The following PTPN14 variants were observed in gnomAD, a reference collection of about 807,000 sequenced individuals.
PTPN14 encodes protein tyrosine phosphatase non-receptor type 14.
In PTPN14, 53 loss-of-function variants were observed where a neutral mutation model predicts 126.8. That is an observed-to-expected ratio of 0.42 (90% confidence interval 0.34 to 0.53). PTPN14 has a LOEUF of 0.53. Ranked by LOEUF, PTPN14 falls within the 20% of genes least tolerant of loss-of-function variation. The pLI is 0.08. For synonymous variants in PTPN14, 630 were observed against 599.3 expected, an observed-to-expected ratio of 1.05 and a Z score of -0.75; for missense variants, 1,257 against 1,552.9, an observed-to-expected ratio of 0.81 and a Z score of 3.20.
At chr1:214,450,054 G>C (rs1039525028) in intron 3 of PTPN14, among the ~76,000 whole-genome samples, 2 of 151,810 alleles carry the variant, frequency 1.3e-5, no homozygotes, top group African/African-American at 4.8e-5. Flanking sequence ...GATTGCGGGA[G>C]CCCAGGAGTT....
chr1:214,436,515 G>A (rs1659919427), intron 3 of PTPN14, among the ~76,000 whole-genome samples: 1 of 152,100 alleles, frequency 6.6e-6, no homozygotes. Context: ...AGACAGTTAG[G>A]GCTGGGTACA....
At chr1:214,516,383 G>A (rs76171284) in intron 1 of PTPN14, among the ~76,000 whole-genome samples, 3,022 of 152,272 alleles carry the variant, frequency 0.02, 95 homozygotes, top group African/African-American at 0.069. Flanking sequence ...CCTTTGCAAG[G>A]ATGGCAGTGA....
chr1:214,385,048 G>A (rs1053758992), intron 12 of PTPN14, among the ~76,000 whole-genome samples: 8 of 152,178 alleles, frequency 5.3e-5, no homozygotes, highest in Non-Finnish European at 7.3e-5. Flanking sequence ...AGTAAGTGTC[G>A]CTTGAGGAAG....
Position 214,366,915 on chromosome 1 carries a change from C to T in PTPN14, c.3272-2240G>A, listed in dbSNP as rs568830365. Reference sequence around the variant, plus strand: ...AGGAGAATGGCGTGAACTCGGGAGGCGGAGTTTGCAGTGAGCCGAGATCTT... The same window carrying T: ...AGGAGAATGGCGTGAACTCGGGAGGTGGAGTTTGCAGTGAGCCGAGATCTT... On this transcript the variant is annotated intron_variant, in intron 17 of 18. Coordinates refer to ENST00000366956, the MANE Select transcript of PTPN14 (RefSeq NM_005401.5). Among the ~76,000 whole-genome samples the T allele has an allele frequency of 2.4e-4, 36 of 146,984 alleles. 1 individual carries two copies. Among genetic ancestry groups the T allele is most frequent in the Admixed American group, 4.9e-4 (7 of 14,336 alleles).
In PTPN14 at chr1:214,383,759, G is replaced by A; in HGVS notation, c.2096C>T (p.Ser699Phe). ...GCTGTGGATTAGCATAGTGGCATCAGAGAAGGTCTTCTTGTGGTGATACTG... is the reference window on the plus strand; with the variant it reads ...GCTGTGGATTAGCATAGTGGCATCAAAGAAGGTCTTCTTGTGGTGATACTG... Reference protein sequence around the residue: ...LPQYHHKKTFSDATMLIHSSE... With the variant: ...LPQYHHKKTFFDATMLIHSSE... The change falls in exon 13 of 19, where the codon TCT becomes TTT. Residue 699 changes from serine to phenylalanine, a missense_variant. Ser to Phe is a radical substitution (Grantham distance 155, BLOSUM62 -2). Coordinates refer to ENST00000366956, the MANE Select transcript of PTPN14 (RefSeq NM_005401.5). The surrounding 1 kb of genome is among the most constrained non-coding windows in gnomAD (Gnocchi z 4.4). 1.2e-6 allele frequency: 2 copies of A among 1,613,440 alleles called. No individual in the cohort carries two copies. Among genetic ancestry groups the A allele is most frequent in the Non-Finnish European group, 1.7e-6 (2 of 1,180,022 alleles).
chr1:214,451,047 T>C (rs1211176408), intron 3 of PTPN14, among the ~76,000 whole-genome samples: 1 of 152,206 alleles, frequency 6.6e-6, no homozygotes, highest in Non-Finnish European at 1.5e-5. Flanking sequence ...TTACTCCCAC[T>C]TTTAGTTACC....
In PTPN14 at chr1:214,393,815, G is replaced by T. The variant is rs753921271; in HGVS notation, c.847-38C>A. On this transcript the variant is annotated intron_variant, in intron 9 of 18. Coordinates refer to ENST00000366956, the MANE Select transcript of PTPN14 (RefSeq NM_005401.5). The stretch of plus-strand genomic sequence containing the variant: ...GAGACAGAGAAAAAAATAAACATTT[G>T]TTGAATTAGTTATACATTTCATTAA... 16 of 1,447,446 alleles carry T rather than the reference G, an allele frequency of 1.1e-5. No individual in the cohort carries two copies. In the South Asian group the frequency reaches 1.7e-4, roughly 16 times the overall value. The allele number at this position is 1,447,446 out of a possible 1,614,324, so 89.7% of individuals were successfully genotyped here.
At chr1:214,492,028 C>A (rs1030149572) in intron 1 of PTPN14, among the ~76,000 whole-genome samples, 4 of 152,134 alleles carry the variant, frequency 2.6e-5, no homozygotes, top group Admixed American at 6.5e-5. Flanking sequence ...TCAGGCTGCC[C>A]ATCCTCATTT....
At chr1:214,458,339 C>T (rs1053486666) in intron 2 of PTPN14, among the ~76,000 whole-genome samples, 1 of 152,074 alleles carries the variant, frequency 6.6e-6, no homozygotes, top group Non-Finnish European at 1.5e-5. Flanking sequence ...AGCTACCAGG[C>T]CTGGCCCCAG....
intron 3 of PTPN14, among the ~76,000 whole-genome samples, chr1:214,435,020 G>C (rs915267907): frequency 6.6e-6 from 1 of 152,198 alleles, no homozygotes; most frequent in Non-Finnish European, 1.5e-5. Flanking sequence ...ATGTGAATTT[G>C]TATTGGGCTG....
chr1:214,498,097 T>C (rs1488591504), intron 1 of PTPN14, among the ~76,000 whole-genome samples: 66 of 152,336 alleles, frequency 4.3e-4, no homozygotes, highest in Non-Finnish European at 8.8e-5. Context: ...AAGTTATGCT[T>C]AAAATATTAT....
intron 3 of PTPN14, among the ~76,000 whole-genome samples, chr1:214,420,930 T>C (rs1331411048): frequency 6.6e-6 from 1 of 152,228 alleles, no homozygotes; most frequent in Non-Finnish European, 1.5e-5. Context: ...AAGTGTTTGA[T>C]GTTAAAATGA....
rs1456141322 is a variant in PTPN14 at position 214,355,690 on chromosome 1, C to T, written c.*2232G>A. The T allele has an allele frequency of 2.0e-5, 3 of 152,162 alleles. No individual in the cohort carries two copies. The highest frequency in any genetic ancestry group is 7.2e-5 in the African/African-American group (3 of 41,430). 9.4% of individuals were successfully genotyped at this position (152,162 alleles called of 1,614,324 possible). The stretch of plus-strand genomic sequence containing the variant: ...CCGAGTCTAACTAGAGTACAGCCAC[C>T]ACAACACCTGGCCAGGTTGAAACAG... On this transcript the variant is annotated 3_prime_UTR_variant, in exon 19 of 19. Coordinates refer to ENST00000366956, the MANE Select transcript of PTPN14 (RefSeq NM_005401.5).
At chr1:214,496,007 TTAA>T (rs1462426228) in intron 1 of PTPN14, among the ~76,000 whole-genome samples, 1 of 152,138 alleles carries the variant, frequency 6.6e-6, no homozygotes, top group Middle Eastern at 3.2e-3. Context: ...ATGTGTTATT[TTAA>T]TACATTTTTC....
intron 10 of PTPN14, among the ~76,000 whole-genome samples, chr1:214,392,278 C>T (rs1446168597): frequency 6.6e-6 from 1 of 151,930 alleles, no homozygotes; most frequent in Non-Finnish European, 1.5e-5. Context: ...ACCTCTTATA[C>T]TTGGTTAGGA....
chr1:214,414,782 T>G (rs1197933304), intron 3 of PTPN14, 56 bp from the exon 4 acceptor site: 1 of 1,383,322 alleles, frequency 7.2e-7, no homozygotes, highest in Non-Finnish European at 1.0e-6. Context: ...TGGAATATAT[T>G]CCCACAACAC....
intron 8 of PTPN14, among the ~76,000 whole-genome samples, chr1:214,396,131 A>G (rs977258365): frequency 6.6e-6 from 1 of 152,208 alleles, no homozygotes; most frequent in Non-Finnish European, 1.5e-5. Flanking sequence ...TGCTAGAAGA[A>G]TAAAAAGCAA....
intron 1 of PTPN14, among the ~76,000 whole-genome samples, chr1:214,477,300 A>G (rs1660888325): frequency 6.6e-6 from 1 of 152,224 alleles, no homozygotes. Flanking sequence ...AACAGGGAAA[A>G]ACAAAGCTTC....
chr1:214,452,982 G>A (rs1208463744), intron 2 of PTPN14, among the ~76,000 whole-genome samples: 1 of 152,096 alleles, frequency 6.6e-6, no homozygotes, highest in Non-Finnish European at 1.5e-5. Context: ...ACATTATACA[G>A]ATCAATCCCT....
Sources: gnomAD v4.1 joint callset for allele counts (sites outside exome capture counted in the v4.1 genomes callset) on GRCh38, gnomAD v4.1.1 for gene constraint, Gnocchi (gnomAD v3.1) non-coding constraint, MANE v1.5 for transcripts, NCBI Gene and HGNC (gene_info 2026-07-23, HGNC 2026-07-21) for gene names.